ATP1B3: variants seen among roughly 807,000 people sequenced by gnomAD.
ATP1B3 encodes the protein sodium/potassium-transporting ATPase subunit beta-3.
ATP1B3 carries 10 observed loss-of-function variants against 30.2 expected under a neutral mutation model. The ratio of observed to expected loss-of-function variants is 0.33; its 90% CI spans 0.20 to 0.56. The LOEUF (loss-of-function observed/expected upper bound fraction) is 0.56. Among genes scored for constraint, ATP1B3 ranks in the 20% least tolerant of loss-of-function variants. The pLI is 0.90. For missense variants in ATP1B3, 238 were observed against 336.7 expected (o/e 0.71, Z 2.29); for synonymous variants, 113 against 117.0 (o/e 0.97, Z 0.22).
chr3:141,914,637 G>C (rs769351533), intron 4 of ATP1B3, among the ~76,000 whole-genome samples: 1 of 152,130 alleles, frequency 6.6e-6, no homozygotes, highest in Non-Finnish European at 1.5e-5. Context: ...AGTCATTCAT[G>C]GTCATTTAAA....
chr3:141,917,169 C>T (rs1039729515), intron 5 of ATP1B3, among the ~76,000 whole-genome samples: 1 of 151,998 alleles, frequency 6.6e-6, no homozygotes, highest in African/African-American at 2.4e-5. Context: ...TTGCATTTCT[C>T]ACTAAAGTTT....
intron 1 of ATP1B3, among the ~76,000 whole-genome samples, chr3:141,903,193 AT>A (rs1243271310): frequency 6.6e-6 from 1 of 152,182 alleles, no homozygotes; most frequent in Non-Finnish European, 1.5e-5. Context: ...TCTGTGAAAT[AT>A]GCGTTTCATG....
chr3:141,918,437 A>G (rs1157712014), intron 5 of ATP1B3: 2 of 151,530 alleles, frequency 1.3e-5, no homozygotes, highest in African/African-American at 4.8e-5. Context: ...AAACAATTCC[A>G]TATACCTCTC....
At chr3:141,877,513 T>C (rs1312792153) in intron 1 of ATP1B3, 1 of 152,254 alleles carries the variant, frequency 6.6e-6, no homozygotes. Context: ...AGAAGTACAT[T>C]GTACAAGAAA....
At chr3:141,916,397 A>G (rs1283303781) in intron 5 of ATP1B3, 1 of 486,152 alleles carries the variant, frequency 2.1e-6, no homozygotes, top group Non-Finnish European at 3.9e-6. Flanking sequence ...GCTAGTCATC[A>G]GTGCTATCTG....
At chr3:141,881,444 T>C (rs1477641369) in intron 1 of ATP1B3, among the ~76,000 whole-genome samples, 1 of 152,220 alleles carries the variant, frequency 6.6e-6, no homozygotes, top group Non-Finnish European at 1.5e-5. Flanking sequence ...TATAGTTCCA[T>C]GAAGTGCCAT....
chr3:141,890,604 A>T (rs1305894486), intron 1 of ATP1B3, among the ~76,000 whole-genome samples: 8 of 149,580 alleles, frequency 5.3e-5, no homozygotes, highest in African/African-American at 2.0e-4. Flanking sequence ...CGCCCACCTA[A>T]TTTTTGTATT....
intron 1 of ATP1B3, chr3:141,902,220 G>A (rs1934177408): frequency 1.6e-6 from 2 of 1,287,546 alleles, no homozygotes; most frequent in African/African-American, 3.0e-5. Context: ...CCTTATTTTG[G>A]CCACCTGGTA....
In ATP1B3 at chr3:141,889,628, T is replaced by C. The variant is rs1933897420; in HGVS notation, c.109+12718T>C. The stretch of plus-strand genomic sequence containing the variant: ...CTGTAATCCCAGCTACTTGGGAGGC[T>C]GAGGCAAGAGAATCACTTGAACGCA... On this transcript the variant is annotated intron_variant, in intron 1 of 6. Coordinates refer to ENST00000286371, the MANE Select transcript of ATP1B3 (RefSeq NM_001679.4). 3.4e-5 allele frequency among the ~76,000 whole-genome samples: 5 copies of C among 148,132 alleles called. No homozygotes were observed. The Admixed American group carries it at 3.5e-4, about 10-fold the overall frequency.
intron 1 of ATP1B3, among the ~76,000 whole-genome samples, chr3:141,895,175 TTTTC>T (rs1934038269): frequency 6.7e-6 from 1 of 149,942 alleles, no homozygotes; most frequent in African/African-American, 2.5e-5. Context: ...ATTGTCTCTT[TTTTC>T]TTTCTTTTCT....
chr3:141,895,393 T>C (rs1934045464), intron 1 of ATP1B3, among the ~76,000 whole-genome samples: 1 of 152,072 alleles, frequency 6.6e-6, no homozygotes, highest in African/African-American at 2.4e-5. Context: ...TTTCACCACG[T>C]TGGCCAGGCT....
intron 1 of ATP1B3, among the ~76,000 whole-genome samples, chr3:141,903,308 TG>T (rs1381479342): frequency 6.6e-6 from 1 of 152,210 alleles, no homozygotes; most frequent in African/African-American, 2.4e-5. Context: ...AAGTTCATTT[TG>T]GGAAACATTC....
intron 1 of ATP1B3, among the ~76,000 whole-genome samples, chr3:141,902,394 T>C (rs544899008): frequency 6.6e-6 from 1 of 152,298 alleles, no homozygotes; most frequent in South Asian, 2.1e-4. Flanking sequence ...CATGGGATCT[T>C]TTGAGAATCA....
chr3:141,887,877 C>T (rs1253096491), intron 1 of ATP1B3, among the ~76,000 whole-genome samples: 5 of 152,136 alleles, frequency 3.3e-5, no homozygotes, highest in African/African-American at 1.2e-4. Flanking sequence ...AAAAAAAACC[C>T]AGAACGGTGG....
intron 1 of ATP1B3, among the ~76,000 whole-genome samples, chr3:141,896,409 T>A (rs1422545877): frequency 6.6e-6 from 1 of 152,146 alleles, no homozygotes; most frequent in Non-Finnish European, 1.5e-5. Flanking sequence ...TAGTCCTAGC[T>A]ACTGGGGAGG....
At chr3:141,891,891 CTTT>C (rs72396246) in intron 1 of ATP1B3, among the ~76,000 whole-genome samples, 1 of 117,930 alleles carries the variant, frequency 8.5e-6, no homozygotes. Context: ...AATGTGGCCT[CTTT>C]TTTTTTTTTA....
At position 141,926,203 on chromosome 3, in the gene ATP1B3, A is replaced by T. The variant is rs1024064297; in HGVS notation, c.*502A>T. On this transcript the variant is annotated 3_prime_UTR_variant, in exon 7 of 7. Transcript: ENST00000286371. ...AATAAAAGTGTGTTTGAAAAATATT[A>T]TCTTGGGTTCTTTGTAAAATTTATT... 6.6e-6 allele frequency: 1 copy of T among 152,602 alleles called. No individual in the cohort carries two copies. The highest frequency in any genetic ancestry group is 2.4e-5 in the African/African-American group (1 of 41,430). The allele number at this position is 152,602 out of a possible 1,614,324, so 9.5% of individuals were successfully genotyped here.
chr3:141,889,081 G>C (rs1165524575), intron 1 of ATP1B3, among the ~76,000 whole-genome samples: 1 of 146,536 alleles, frequency 6.8e-6, no homozygotes, highest in Non-Finnish European at 1.5e-5. Flanking sequence ...GAGAGAGAGA[G>C]AGCCAAGGGG....
intron 4 of ATP1B3, 94 bp from the exon 5 acceptor site, chr3:141,915,876 C>A: frequency 1.1e-6 from 1 of 897,406 alleles, no homozygotes; most frequent in Non-Finnish European, 1.7e-6. Flanking sequence ...GTGTTAATCT[C>A]AAAGTCTTCA....
Sources: allele counts gnomAD v4.1 joint callset (sites outside exome capture counted in the v4.1 genomes callset), GRCh38; gene constraint gnomAD v4.1.1; transcripts MANE v1.5; gene names NCBI Gene and HGNC (gene_info 2026-07-23, HGNC 2026-07-21).